The following FAM168A variants were observed in gnomAD, a reference collection of about 807,000 sequenced individuals.
FAM168A encodes the protein family with sequence similarity 168 member A, also known as protein FAM168A.
Under a neutral mutation model 28.5 loss-of-function variants are expected in FAM168A, and 3 were observed. The ratio of observed to expected loss-of-function variants is 0.11; its 90% confidence interval spans 0.05 to 0.27. The LOEUF (loss-of-function observed/expected upper bound fraction) is 0.27, where lower values mean the gene tolerates loss of function less well. FAM168A is among the 10% of genes least tolerant of loss of function. The probability of loss-of-function intolerance (pLI) is 1.00; values close to 1 mark genes in which losing one functional copy is unlikely to be tolerated. For synonymous variants in FAM168A, 122 were observed against 124.2 expected (o/e 0.98, Z 0.12); for missense variants, 222 against 311.5 (o/e 0.71, Z 2.16).
intron 3 of FAM168A, among the ~76,000 whole-genome samples, chr11:73,428,274 A>G (rs1866925113): frequency 6.6e-6 from 1 of 152,054 alleles, no homozygotes; most frequent in Non-Finnish European, 1.5e-5. Flanking sequence ...GCACCTTCCT[A>G]TCAGTACCCC....
chr11:73,466,835 A>AT (rs1245877114), intron 2 of FAM168A, among the ~76,000 whole-genome samples: 4 of 152,126 alleles, frequency 2.6e-5, no homozygotes, highest in Admixed American at 2.6e-4. Flanking sequence ...CTTTGGGGAG[A>AT]TTTTTTAGTC....
In FAM168A at chr11:73,400,824, GTTA is replaced by G. The variant is rs1190515294; in HGVS notation, c.*5936_*5938del. 4 of 151,504 alleles carry G rather than the reference GTTA, an allele frequency of 2.6e-5. No individual in the cohort carries two copies. In the East Asian group the frequency reaches 7.7e-4, roughly 29 times the overall value. 9.4% of individuals were successfully genotyped at this position (151,504 alleles called of 1,614,324 possible). A position where few individuals can be genotyped will look rare whatever the true frequency, so the allele number is the denominator to read the frequency against. ...TGGGGGGGAATTTTTTTTTTTAATAGTTATTGAGTGTTCTACAGCTTACAGTAA... is the reference window on the plus strand; with the variant it reads ...TGGGGGGGAATTTTTTTTTTTAATAGTTGAGTGTTCTACAGCTTACAGTAA... On this transcript the variant is annotated 3_prime_UTR_variant, in exon 8 of 8. Coordinates refer to ENST00000356467, the MANE Select transcript of FAM168A (RefSeq NM_015159.3).
intron 1 of FAM168A, among the ~76,000 whole-genome samples, chr11:73,501,202 T>C (rs1172331559): frequency 6.6e-6 from 1 of 152,164 alleles, no homozygotes; most frequent in African/African-American, 2.4e-5. Context: ...AACAAGTTCT[T>C]AGAGACCTAC....
intron 1 of FAM168A, among the ~76,000 whole-genome samples, chr11:73,558,206 T>C (rs1453273864): frequency 6.6e-6 from 1 of 152,118 alleles, no homozygotes; most frequent in Non-Finnish European, 1.5e-5. Flanking sequence ...AGAGGCCAAA[T>C]GTGACAGCTT....
At position 73,405,733 on chromosome 11, in the gene FAM168A, G is replaced by T. The variant is rs929333884; in HGVS notation, c.*1030C>A. 5 of 152,214 alleles carry T rather than the reference G, an allele frequency of 3.3e-5. No homozygotes were observed. The highest frequency in any genetic ancestry group is 1.3e-4 in the Admixed American group (2 of 15,278). The allele number at this position is 152,214 out of a possible 1,614,324, so 9.4% of individuals were successfully genotyped here. On this transcript the variant is annotated 3_prime_UTR_variant, in exon 8 of 8. Coordinates refer to ENST00000356467, the MANE Select transcript of FAM168A (RefSeq NM_015159.3). ...AGGTAACCAAGAGCTTGGCCTGCCT[G>T]CAAGCTCTATGGTCAGACAGGTGAG...
intron 1 of FAM168A, among the ~76,000 whole-genome samples, chr11:73,557,894 A>C (rs971046335): frequency 1.3e-5 from 2 of 152,248 alleles, no homozygotes; most frequent in African/African-American, 4.8e-5. Flanking sequence ...TTCAACCAAC[A>C]TGCCAAGACT....
At chr11:73,493,464 C>G (rs549011482) in intron 1 of FAM168A, among the ~76,000 whole-genome samples, 2 of 152,288 alleles carry the variant, frequency 1.3e-5, no homozygotes, top group South Asian at 4.1e-4. Context: ...CCAAGCTGGA[C>G]AGCAGTGGTG....
intron 1 of FAM168A, among the ~76,000 whole-genome samples, chr11:73,584,320 G>C (rs1944283198): frequency 6.6e-6 from 1 of 151,598 alleles, no homozygotes; most frequent in Admixed American, 6.6e-5. Context: ...CCACAGGCAT[G>C]TGCCATCACT....
chr11:73,434,934 T>C (rs1028705943), intron 2 of FAM168A, among the ~76,000 whole-genome samples: 2 of 152,190 alleles, frequency 1.3e-5, no homozygotes, highest in African/African-American at 4.8e-5. Context: ...GCCATACTGT[T>C]TTCTAGAAAG....
intron 1 of FAM168A, among the ~76,000 whole-genome samples, chr11:73,564,181 G>A (rs1282697144): frequency 6.6e-6 from 1 of 152,168 alleles, no homozygotes; most frequent in Admixed American, 6.5e-5. Flanking sequence ...CAATCACTAT[G>A]GCCGGAAGAA....
At chr11:73,571,816 C>T (rs1330740555) in intron 1 of FAM168A, among the ~76,000 whole-genome samples, 3 of 151,884 alleles carry the variant, frequency 2.0e-5, no homozygotes, top group Admixed American at 6.6e-5. Flanking sequence ...TCTTCCCGGC[C>T]GCCATCCCAT....
chr11:73,591,698 C>G (rs1944383852), intron 1 of FAM168A, among the ~76,000 whole-genome samples: 1 of 152,072 alleles, frequency 6.6e-6, no homozygotes, highest in Admixed American at 6.6e-5. Flanking sequence ...TTTGTAGAGA[C>G]TGGATCTCAC....
At position 73,452,816 on chromosome 11, in the gene FAM168A, ATAATAAT is replaced by A. The variant is rs772740669; in HGVS notation, c.70+15582_70+15588del. ...TGGAATGTTTTGCAAAAAAAAAATA[ATAATAAT>A]AAGTAAAATAATGACATAATTCTCA... is the stretch of plus-strand genomic sequence containing the variant. On this transcript the variant is annotated intron_variant, in intron 2 of 7. Coordinates refer to ENST00000356467, the MANE Select transcript of FAM168A (RefSeq NM_015159.3). Among the ~76,000 whole-genome samples, 3 of 148,196 alleles carry A rather than the reference ATAATAAT, an allele frequency of 2.0e-5. 1 individual carries two copies. Among genetic ancestry groups the A allele is most frequent in the Non-Finnish European group, 4.4e-5 (3 of 67,860 alleles).
At chr11:73,526,312 G>A (rs983223198) in intron 1 of FAM168A, among the ~76,000 whole-genome samples, 4 of 152,072 alleles carry the variant, frequency 2.6e-5, no homozygotes, top group African/African-American at 9.7e-5. Context: ...TCTTTCAATG[G>A]GTTGGCAAAA....
intron 2 of FAM168A, among the ~76,000 whole-genome samples, chr11:73,464,327 G>A (rs1465663703): frequency 6.7e-6 from 1 of 149,928 alleles, no homozygotes; most frequent in African/African-American, 2.5e-5. Context: ...CAATCTGGGG[G>A]TGGGGGGGAA....
chr11:73,449,243 T>C (rs1867381653), intron 2 of FAM168A, among the ~76,000 whole-genome samples: 1 of 152,214 alleles, frequency 6.6e-6, no homozygotes, highest in Non-Finnish European at 1.5e-5. Context: ...GTGCTGGGAT[T>C]ACAGGCATGA....
At chr11:73,579,359 T>C (rs1374260892) in intron 1 of FAM168A, among the ~76,000 whole-genome samples, 1 of 152,160 alleles carries the variant, frequency 6.6e-6, no homozygotes, top group Non-Finnish European at 1.5e-5. Flanking sequence ...AGAAAATAAG[T>C]TATAGAAAGA....
intron 1 of FAM168A, among the ~76,000 whole-genome samples, chr11:73,533,839 G>A (rs972509278): frequency 9.9e-5 from 15 of 152,138 alleles, no homozygotes; most frequent in African/African-American, 3.4e-4. Flanking sequence ...TGGGGGGAGT[G>A]CTTAAATGAA....
chr11:73,544,086 C>T (rs1219484691), intron 1 of FAM168A, among the ~76,000 whole-genome samples: 2 of 152,070 alleles, frequency 1.3e-5, no homozygotes, highest in Non-Finnish European at 2.9e-5. Flanking sequence ...GAGCTATGAT[C>T]CCACCACTGC....
Sources: gnomAD v4.1 joint callset for allele counts (sites outside exome capture counted in the v4.1 genomes callset) on GRCh38, gnomAD v4.1.1 for gene constraint, MANE v1.5 for transcripts, NCBI Gene and HGNC (gene_info 2026-07-23, HGNC 2026-07-21) for gene names.